The following LGSN variants were observed in gnomAD, a reference collection of about 807,000 sequenced individuals.
LGSN encodes the protein lengsin, lens protein with glutamine synthetase domain.
A neutral mutation model predicts 19.5 loss-of-function variants in LGSN; 21 were observed. The observed-to-expected ratio is 1.07, with a 90% CI of 0.76 to 1.55. LGSN has a LOEUF of 1.55. Among genes scored for constraint, LGSN ranks in the 40% most tolerant of loss-of-function variants. LGSN has a pLI of 0.00. For synonymous variants in LGSN, 257 were observed against 215.6 expected, an observed-to-expected ratio of 1.19 and a Z score of -1.68; for missense variants, 673 against 608.5, an observed-to-expected ratio of 1.11 and a Z score of -1.12.
chr6:63,554,766 G>C, the LGSN span, among the ~76,000 whole-genome samples: 1 of 152,272 alleles, frequency 6.6e-6, no homozygotes, highest in African/African-American at 2.4e-5. Context: ...TAGCCTGGGT[G>C]ACAGAGTGAA....
At chr6:63,464,802 G>A in the LGSN span, among the ~76,000 whole-genome samples, 2 of 151,888 alleles carry the variant, frequency 1.3e-5, no homozygotes, top group African/African-American at 4.8e-5. Flanking sequence ...CGAGGCAGGT[G>A]GATCACATGA....
the LGSN span, among the ~76,000 whole-genome samples, chr6:63,381,840 A>G: frequency 1.3e-5 from 2 of 152,372 alleles, no homozygotes; most frequent in East Asian, 3.9e-4. Context: ...CTCAAAGCAT[A>G]GTGCCCTCTA....
At chr6:63,553,246 G>T in the LGSN span, among the ~76,000 whole-genome samples, 1 of 152,166 alleles carries the variant, frequency 6.6e-6, no homozygotes, top group Non-Finnish European at 1.5e-5. Flanking sequence ...TGATGTCAAA[G>T]CTCTGCTTTT....
chr6:63,415,695 C>A, the LGSN span, among the ~76,000 whole-genome samples: 20 of 152,202 alleles, frequency 1.3e-4, no homozygotes, highest in Non-Finnish European at 1.9e-4. Flanking sequence ...ACCATATCAA[C>A]CCTCATTTCT....
chr6:63,311,089 C>T lies in LGSN; in HGVS notation c.30+8825G>A, dbSNP rs555680857. On this transcript the variant is annotated intron_variant, in intron 1 of 3. Transcript: ENST00000370657. ...TTGACTGGACCACTTCTACCTCTTG[C>T]TAGCCATTGCTGTAATTGTGCAGTA... Among the ~76,000 whole-genome samples, 5 of 152,332 alleles carry T rather than the reference C, an allele frequency of 3.3e-5. No individual in the cohort carries two copies. In the South Asian group the frequency reaches 1.0e-3, roughly 32 times the overall value.
chr6:63,497,666 A>G, the LGSN span, among the ~76,000 whole-genome samples: 1 of 152,080 alleles, frequency 6.6e-6, no homozygotes, highest in African/African-American at 2.4e-5. Flanking sequence ...TTTTTTCCAC[A>G]TTCAGCTTGA....
chr6:63,328,891 G>A, the LGSN span, among the ~76,000 whole-genome samples: 20 of 152,284 alleles, frequency 1.3e-4, no homozygotes, highest in South Asian at 4.2e-4. Context: ...GGCAAAAGCC[G>A]GTAATTCCAA....
the LGSN span, among the ~76,000 whole-genome samples, chr6:63,419,940 T>TCACACCTG: frequency 9.2e-6 from 1 of 108,838 alleles, no homozygotes; most frequent in African/African-American, 3.4e-5. Flanking sequence ...GTATGGTGGC[T>TCACACCTG]CACACCTGTA....
the LGSN span, among the ~76,000 whole-genome samples, chr6:63,423,668 AG>A: frequency 1.3e-5 from 2 of 152,160 alleles, no homozygotes; most frequent in Non-Finnish European, 2.9e-5. Context: ...ATAATAAAAA[AG>A]TAATCCACCA....
chr6:63,558,425 TCAGA>T, the LGSN span, among the ~76,000 whole-genome samples: 1 of 152,256 alleles, frequency 6.6e-6, no homozygotes, highest in South Asian at 2.1e-4. Flanking sequence ...TGGTAGCCAG[TCAGA>T]CAGAAAAGAA....
At chr6:63,531,754 G>A in the LGSN span, among the ~76,000 whole-genome samples, 5 of 151,986 alleles carry the variant, frequency 3.3e-5, no homozygotes, top group South Asian at 1.0e-3. Context: ...GCCTCCCAAA[G>A]TGCTGTGATT....
At chr6:63,338,317 G>T in the LGSN span, among the ~76,000 whole-genome samples, 2 of 152,164 alleles carry the variant, frequency 1.3e-5, no homozygotes, top group Non-Finnish European at 2.9e-5. Context: ...TAGGGTTTGG[G>T]TTGGGGGTAC....
chr6:63,511,582 T>C, the LGSN span, among the ~76,000 whole-genome samples: 3 of 152,184 alleles, frequency 2.0e-5, no homozygotes, highest in African/African-American at 4.8e-5. Context: ...AATGTAGCTT[T>C]GAGAATTTGA....
the LGSN span, among the ~76,000 whole-genome samples, chr6:63,366,535 A>G: frequency 3.9e-4 from 59 of 152,328 alleles, no homozygotes; most frequent in African/African-American, 1.3e-3. Flanking sequence ...TATAGTTTCA[A>G]TGCCATCCCC....
At chr6:63,484,547 G>C in the LGSN span, among the ~76,000 whole-genome samples, 59 of 151,976 alleles carry the variant, frequency 3.9e-4, no homozygotes, top group East Asian at 0.011. Flanking sequence ...AAAAATCCCA[G>C]AAGACTACCC....
intron 1 of LGSN, among the ~76,000 whole-genome samples, chr6:63,318,674 T>C (rs900877766): frequency 6.6e-6 from 1 of 152,080 alleles, no homozygotes; most frequent in African/African-American, 2.4e-5. Flanking sequence ...ACAATCAACA[T>C]TTGGTCTAGA....
the LGSN span, among the ~76,000 whole-genome samples, chr6:63,537,514 G>T: frequency 1.3e-5 from 2 of 152,314 alleles, no homozygotes; most frequent in East Asian, 3.9e-4. Flanking sequence ...GAGAACCATT[G>T]CCTTAGAGCG....
the LGSN span, chr6:63,549,295 T>G: frequency 1.3e-6 from 1 of 754,264 alleles, no homozygotes; most frequent in African/African-American, 1.7e-5. Flanking sequence ...TTCAGCCACT[T>G]ACAGAGGATG....
rs1767249203 is a variant in LGSN, at chr6:63,280,398, C to A, written c.1153G>T (p.Gly385Ter). 6.2e-7 allele frequency: 1 copy of A among 1,614,146 alleles called. No homozygotes were observed. Among genetic ancestry groups the A allele is most frequent in the African/African-American group, 1.3e-5 (1 of 75,028 alleles). ...AATATACAGCTGTTGTCATTGTATC[C>A]CCATGTTGTAGGCACACTCTTCTTC... The part of the protein sequence containing the change: ...DLKKSVPTTW[G>*]YNDNSCIFNI... The change falls in exon 4 of 4, where the codon GGA becomes TGA. Residue 385 changes from glycine (G) to a stop codon, truncating the protein, a stop_gained. Coordinates refer to ENST00000370657, the MANE Select transcript of LGSN (RefSeq NM_016571.3). LOFTEE classifies it low-confidence loss of function (END_TRUNC).
Sources: allele counts gnomAD v4.1 joint callset (sites outside exome capture counted in the v4.1 genomes callset), GRCh38; gene constraint gnomAD v4.1.1; transcripts MANE v1.5; gene names NCBI Gene and HGNC (gene_info 2026-07-23, HGNC 2026-07-21).